PGAP4: variants seen among roughly 807,000 people sequenced by gnomAD.
PGAP4 encodes the protein GPI-N-acetylgalactosamine transferase PGAP4.
Under a neutral mutation model 28.2 loss-of-function variants are expected in PGAP4, and 12 were observed. The ratio of observed to expected loss-of-function variants is 0.42; its 90% CI spans 0.27 to 0.69. PGAP4 has a LOEUF of 0.69. Among genes scored for constraint, PGAP4 ranks in the 30% least tolerant of loss-of-function variants. The pLI is 0.22. For missense variants in PGAP4, 425 were observed against 513.5 expected, an observed-to-expected ratio of 0.83 and a Z score of 1.67; for synonymous variants, 205 against 211.8, an observed-to-expected ratio of 0.97 and a Z score of 0.28.
exon 1 of PGAP4, chr9:101,533,118 T>C (rs1419253254): frequency 6.6e-6 from 1 of 152,202 alleles, no homozygotes; most frequent in Non-Finnish European, 1.5e-5. Context: ...CAATGCTTAA[T>C]TAGCTTAAAA....
intron 2 of PGAP4, among the ~76,000 whole-genome samples, chr9:101,510,295 T>G (rs1242276792): frequency 6.6e-6 from 1 of 152,196 alleles, no homozygotes; most frequent in Non-Finnish European, 1.5e-5. Flanking sequence ...GCTTTAGCAG[T>G]GCAGTTAGCC....
intron 1 of PGAP4, among the ~76,000 whole-genome samples, chr9:101,532,513 A>G (rs1488008555): frequency 1.3e-5 from 2 of 152,204 alleles, no homozygotes; most frequent in African/African-American, 4.8e-5. Context: ...TGTTGGCTAA[A>G]TGCAGTCTGT....
intron 1 of PGAP4, among the ~76,000 whole-genome samples, chr9:101,480,121 G>A (rs888041843): frequency 6.6e-6 from 1 of 152,056 alleles, no homozygotes; most frequent in Non-Finnish European, 1.5e-5. Context: ...ATCTGCTCAC[G>A]GAGTATGGAA....
chr9:101,516,845 T>C (rs965068300), intron 2 of PGAP4, among the ~76,000 whole-genome samples: 1 of 152,192 alleles, frequency 6.6e-6, no homozygotes, highest in Non-Finnish European at 1.5e-5. Flanking sequence ...TGGTTATCAC[T>C]GGGAGACAAT....
chr9:101,508,018 C>G (rs1193796492), intron 2 of PGAP4, among the ~76,000 whole-genome samples: 1 of 152,016 alleles, frequency 6.6e-6, no homozygotes, highest in Non-Finnish European at 1.5e-5. Flanking sequence ...CTTTGTTACC[C>G]TTATTTGATG....
intron 1 of PGAP4, chr9:101,480,586 G>A (rs928350171): frequency 6.6e-6 from 1 of 152,140 alleles, no homozygotes. Flanking sequence ...CCAATGACTG[G>A]AGAAATATTT....
upstream of PGAP4, among the ~76,000 whole-genome samples, chr9:101,487,915 A>G (rs919227834): frequency 3.9e-5 from 6 of 152,178 alleles, no homozygotes; most frequent in African/African-American, 1.4e-4. Context: ...GCAGAGTTGG[A>G]TAGTTGTGAC....
chr9:101,524,931 G>T (rs1031555767), intron 2 of PGAP4, among the ~76,000 whole-genome samples: 1 of 152,130 alleles, frequency 6.6e-6, no homozygotes, highest in Non-Finnish European at 1.5e-5. Context: ...TTCATAATGC[G>T]AGCTCCCACA....
At chr9:101,489,575 G>T (rs1826667904), upstream of PGAP4, among the ~76,000 whole-genome samples, 1 of 152,184 alleles carries the variant, frequency 6.6e-6, no homozygotes. Context: ...ATGGAATGAG[G>T]CAGTGAACCT....
At chr9:101,483,533 G>A (rs567467942) in intron 1 of PGAP4, among the ~76,000 whole-genome samples, 16 of 152,098 alleles carry the variant, frequency 1.1e-4, no homozygotes, top group African/African-American at 3.9e-4. Flanking sequence ...TTGGAGCCCA[G>A]GAAAATCAAC....
At chr9:101,516,496 G>A (rs1826944653) in intron 2 of PGAP4, among the ~76,000 whole-genome samples, 1 of 152,090 alleles carries the variant, frequency 6.6e-6, no homozygotes, top group South Asian at 2.1e-4. Context: ...ATGAATTCTT[G>A]CCAAATGATT....
intron 2 of PGAP4, among the ~76,000 whole-genome samples, chr9:101,505,617 T>C (rs958685761): frequency 2.6e-5 from 4 of 152,100 alleles, no homozygotes; most frequent in African/African-American, 9.7e-5. Flanking sequence ...CATCTGAGAA[T>C]TCAGGAGATA....
intron 2 of PGAP4, among the ~76,000 whole-genome samples, chr9:101,509,055 G>A (rs975930174): frequency 3.9e-5 from 6 of 152,186 alleles, no homozygotes; most frequent in African/African-American, 1.4e-4. Context: ...CACTTGCAGT[G>A]TCAAGCAGTT....
intron 2 of PGAP4, among the ~76,000 whole-genome samples, chr9:101,493,098 C>T (rs886581310): frequency 1.3e-5 from 2 of 151,688 alleles, no homozygotes; most frequent in African/African-American, 4.8e-5. Flanking sequence ...ACTAAAAATA[C>T]AAAAAATTAG....
At chr9:101,515,894 A>T (rs1826939981) in intron 2 of PGAP4, among the ~76,000 whole-genome samples, 1 of 152,100 alleles carries the variant, frequency 6.6e-6, no homozygotes, top group Admixed American at 6.6e-5. Flanking sequence ...CTAGTTAATG[A>T]TAGTGTATAA....
intron 2 of PGAP4, among the ~76,000 whole-genome samples, chr9:101,493,911 T>C (rs1365043810): frequency 6.6e-6 from 1 of 152,132 alleles, no homozygotes; most frequent in Non-Finnish European, 1.5e-5. Flanking sequence ...TAGTTCGGTC[T>C]ATAGGTATAT....
chr9:101,527,375 T>C (rs17188384), intron 2 of PGAP4, among the ~76,000 whole-genome samples: 73,079 of 152,012 alleles, frequency 0.48, 17,782 homozygotes, highest in East Asian at 0.66. Context: ...AATTTGGCCA[T>C]ATGCCTTTGG....
At chr9:101,480,197 G>A (rs115166261) in intron 1 of PGAP4, among the ~76,000 whole-genome samples, 2,269 of 152,192 alleles carry the variant, frequency 0.015, 67 homozygotes, top group African/African-American at 0.051. Flanking sequence ...CACACTACAC[G>A]AATAAGGACA....
chr9:101,506,070 C>T (rs7846719), intron 2 of PGAP4, among the ~76,000 whole-genome samples: 118 of 152,178 alleles, frequency 7.8e-4, no homozygotes, highest in African/African-American at 2.7e-3. Flanking sequence ...ACCATTTGTG[C>T]AAACAACTGG....
Sources: gnomAD v4.1 joint callset for allele counts (sites outside exome capture counted in the v4.1 genomes callset) on GRCh38, gnomAD v4.1.1 for gene constraint, MANE v1.5 for transcripts, NCBI Gene and HGNC (gene_info 2026-07-23, HGNC 2026-07-21) for gene names.